The following PPP2R2B variants were observed in gnomAD, a reference collection of about 807,000 sequenced individuals.
The protein encoded by PPP2R2B is serine/threonine-protein phosphatase 2A 55 kDa regulatory subunit B beta isoform.
In PPP2R2B, 5 loss-of-function variants were observed where a neutral mutation model predicts 46.0. That is an observed-to-expected ratio of 0.11 (90% CI 0.06 to 0.23). The LOEUF (loss-of-function observed/expected upper bound fraction) is 0.23, where lower values mean the gene tolerates loss of function less well. Ranked by LOEUF, PPP2R2B falls within the 10% of genes least tolerant of loss-of-function variation. PPP2R2B has a pLI of 1.00. For missense variants in PPP2R2B, 367 were observed against 575.0 expected (o/e 0.64, Z 3.70); for synonymous variants, 215 against 206.7 (o/e 1.04, Z -0.34).
intron 5 of PPP2R2B, among the ~76,000 whole-genome samples, chr5:146,671,313 G>A (rs114680935): frequency 1.4e-4 from 22 of 152,222 alleles, no homozygotes; most frequent in South Asian, 1.0e-3. Flanking sequence ...AGAAAAACAC[G>A]TCTCTGTCCT....
intron 2 of PPP2R2B, among the ~76,000 whole-genome samples, chr5:146,810,612 A>G (rs942060511): frequency 6.6e-6 from 1 of 152,142 alleles, no homozygotes. Flanking sequence ...ACGCTTGTCT[A>G]TGAGCAAAGT....
rs1167446530 is a variant in PPP2R2B, at chr5:146,581,225, G to C, written c.*8722C>G. ...GGTGCTGACATCTGCTCAGCTTCTGGAGAGGCCTCTGGATACTTACAATCA... is the reference window on the plus strand; with the variant it reads ...GGTGCTGACATCTGCTCAGCTTCTGCAGAGGCCTCTGGATACTTACAATCA... On this transcript the variant is annotated 3_prime_UTR_variant, in exon 10 of 10. Transcript: ENST00000394411. 6.6e-6 allele frequency: 1 copy of C among 152,154 alleles called. No individual in the cohort carries two copies. Among genetic ancestry groups the C allele is most frequent in the Admixed American group, 6.5e-5 (1 of 15,276 alleles). 9.4% of individuals were successfully genotyped at this position (152,154 alleles called of 1,614,324 possible).
upstream of PPP2R2B, among the ~76,000 whole-genome samples, chr5:147,058,587 A>C (rs1757162304): frequency 6.6e-6 from 1 of 152,206 alleles, no homozygotes; most frequent in Non-Finnish European, 1.5e-5. Flanking sequence ...CAAACCAGCC[A>C]ATATCTCTTG....
intron 1 of PPP2R2B, among the ~76,000 whole-genome samples, chr5:147,053,225 AAC>A (rs3063247): frequency 0.64 from 94,056 of 147,106 alleles, 31,663 homozygotes; most frequent in Middle Eastern, 0.77. Flanking sequence ...AAAAAAAAAA[AAC>A]ACACGCGCAC....
chr5:147,061,282 A>G (rs1561606721), intron 2 of PPP2R2B, among the ~76,000 whole-genome samples: 1 of 152,148 alleles, frequency 6.6e-6, no homozygotes, highest in Non-Finnish European at 1.5e-5. Context: ...ATAAAGTGGG[A>G]CATGGATTAG....
At chr5:146,946,870 T>C (rs1582476853) in intron 1 of PPP2R2B, among the ~76,000 whole-genome samples, 1 of 151,864 alleles carries the variant, frequency 6.6e-6, no homozygotes, top group East Asian at 1.9e-4. Context: ...GGGAATTGGG[T>C]GGTTGGGGTA....
At chr5:147,014,521 T>C (rs867934779) in intron 1 of PPP2R2B, among the ~76,000 whole-genome samples, 2,107 of 152,032 alleles carry the variant, frequency 0.014, 53 homozygotes, top group African/African-American at 0.048. Flanking sequence ...ATTAAGAAAA[T>C]GTGGCACATA....
chr5:146,850,616 C>T (rs1308637352), intron 2 of PPP2R2B, among the ~76,000 whole-genome samples: 1 of 152,118 alleles, frequency 6.6e-6, no homozygotes, highest in Non-Finnish European at 1.5e-5. Flanking sequence ...ACAGAGCTAA[C>T]TCTTATTATG....
chr5:146,983,175 C>CCTTTT (rs1561555406), intron 1 of PPP2R2B, among the ~76,000 whole-genome samples: 3 of 69,532 alleles, frequency 4.3e-5, no homozygotes, highest in Non-Finnish European at 1.0e-4. Flanking sequence ...TTTTCCAGAG[C>CCTTTT]ATTTTTTTTT....
chr5:147,026,742 C>T (rs898829715), intron 1 of PPP2R2B, among the ~76,000 whole-genome samples: 2 of 151,902 alleles, frequency 1.3e-5, no homozygotes, highest in Admixed American at 1.3e-4. Context: ...AAATTAAAAC[C>T]ATGAGAAGAT....
chr5:146,878,890 C>T (rs1215576390), upstream of PPP2R2B: 3 of 1,153,620 alleles, frequency 2.6e-6, no homozygotes, highest in African/African-American at 4.9e-5. The surrounding 1 kb of genome is among the most constrained non-coding windows in gnomAD (Gnocchi z 4.5). Context: ...CAGTGGGGCG[C>T]ATGCAGCCGC....
chr5:146,746,008 T>A (rs1753171583), intron 2 of PPP2R2B, among the ~76,000 whole-genome samples: 3 of 152,094 alleles, frequency 2.0e-5, no homozygotes, highest in Admixed American at 2.0e-4. Context: ...GCAATTGTTA[T>A]CTAGAGAACT....
chr5:146,780,208 C>T (rs1041306729), intron 2 of PPP2R2B, among the ~76,000 whole-genome samples: 1 of 152,102 alleles, frequency 6.6e-6, no homozygotes. Context: ...GGGATTAGTG[C>T]CTCAAAATCA....
At chr5:147,001,870 C>A (rs908466042) in intron 1 of PPP2R2B, among the ~76,000 whole-genome samples, 2 of 152,130 alleles carry the variant, frequency 1.3e-5, no homozygotes, top group Admixed American at 6.5e-5. Flanking sequence ...TTGCCTGGAA[C>A]CAGCTGCTGC....
chr5:146,603,365 T>A (rs943573763), intron 7 of PPP2R2B, among the ~76,000 whole-genome samples: 1 of 152,266 alleles, frequency 6.6e-6, no homozygotes, highest in African/African-American at 2.4e-5. Flanking sequence ...AAATTGTATA[T>A]GTTTATGGTG....
intron 2 of PPP2R2B, among the ~76,000 whole-genome samples, chr5:147,070,975 C>T (rs543611720): frequency 2.2e-4 from 34 of 151,842 alleles, no homozygotes; most frequent in African/African-American, 6.3e-4. Context: ...GGCGACAGAG[C>T]GAGACTCCGT....
At chr5:146,983,484 G>A (rs1027684307) in intron 1 of PPP2R2B, among the ~76,000 whole-genome samples, 1 of 152,034 alleles carries the variant, frequency 6.6e-6, no homozygotes, top group African/African-American at 2.4e-5. Context: ...CCGGCCCAGA[G>A]CGTTTCTTTG....
intron 1 of PPP2R2B, among the ~76,000 whole-genome samples, chr5:147,046,363 T>A (rs923503628): frequency 2.0e-5 from 3 of 152,214 alleles, no homozygotes; most frequent in African/African-American, 7.2e-5. Context: ...TTGCTTTTTC[T>A]ACTAACTGTG....
intron 1 of PPP2R2B, among the ~76,000 whole-genome samples, chr5:147,026,697 T>C (rs1258469530): frequency 6.6e-6 from 1 of 152,156 alleles, no homozygotes; most frequent in Non-Finnish European, 1.5e-5. Context: ...AGCACATGAA[T>C]AAATGTTCAA....
Sources: allele counts gnomAD v4.1 joint callset (sites outside exome capture counted in the v4.1 genomes callset), GRCh38; gene constraint gnomAD v4.1.1; non-coding constraint Gnocchi (gnomAD v3.1); transcripts MANE v1.5; gene names NCBI Gene and HGNC (gene_info 2026-07-23, HGNC 2026-07-21).